The following AMMECR1L variants were observed in gnomAD, a reference collection of about 807,000 sequenced individuals.
The protein encoded by AMMECR1L is AMMECR1 like, also known as AMMECR1-like protein.
Under a neutral mutation model 36.8 loss-of-function variants are expected in AMMECR1L, and 4 were observed. The ratio of observed to expected loss-of-function variants is 0.11; its 90% CI spans 0.05 to 0.25. The LOEUF is 0.25. AMMECR1L is among the 10% of genes least tolerant of loss of function. AMMECR1L has a pLI of 1.00. For missense variants in AMMECR1L, 232 were observed against 392.1 expected, an observed-to-expected ratio of 0.59 and a Z score of 3.45; for synonymous variants, 147 against 148.0, an observed-to-expected ratio of 0.99 and a Z score of 0.05.
At chr2:127,878,693 TAC>T (rs1691357551) in intron 2 of AMMECR1L, among the ~76,000 whole-genome samples, 1 of 152,232 alleles carries the variant, frequency 6.6e-6, no homozygotes, top group Non-Finnish European at 1.5e-5. Flanking sequence ...CAGTTGATTT[TAC>T]ACAGTTGTGT....
At position 127,862,564 on chromosome 2, in the gene AMMECR1L, G is replaced by A. The variant is rs550898269; in HGVS notation, c.*2530C>T. ...CTAGACCGCTTCCTGACTAGGCCCC[G>A]TTCAGGACGGATACTGACAATGCCC... is the stretch of plus-strand genomic sequence containing the variant. On this transcript the variant is annotated 3_prime_UTR_variant, in exon 8 of 8. Transcript: ENST00000272647. The A allele has an allele frequency of 6.6e-4, 101 of 153,694 alleles. No individual in the cohort carries two copies. Among genetic ancestry groups the A allele is most frequent in the Admixed American group, 1.8e-3 (27 of 15,286 alleles). 9.5% of individuals were successfully genotyped at this position (153,694 alleles called of 1,614,324 possible).
At position 127,883,947 on chromosome 2, in the gene AMMECR1L, T is replaced by C. The variant is rs537576033; in HGVS notation, c.-39+256A>G. Among the ~76,000 whole-genome samples the C allele has an allele frequency of 3.9e-5, 6 of 152,230 alleles. 1 individual carries two copies. The South Asian group carries it at 1.2e-3, about 32-fold the overall frequency. ...GGGTGAGGAGCCAGACCTTACAAACTAGAAATATAAAGGAAAGATCATGCC... is the reference window on the plus strand; with the variant it reads ...GGGTGAGGAGCCAGACCTTACAAACCAGAAATATAAAGGAAAGATCATGCC... On this transcript the variant is annotated intron_variant, in intron 2 of 7. Coordinates refer to ENST00000272647, the MANE Select transcript of AMMECR1L (RefSeq NM_001199140.2).
Position 127,867,023 on chromosome 2 carries a change from G to A in AMMECR1L, c.725-27C>T, listed in dbSNP as rs748716047. Reference sequence around the variant, plus strand: ...TGGGGAGGAGAAAGGCCACACTGAGGTCAATGCACATGCAAGAGTAAGGCA... The same window carrying A: ...TGGGGAGGAGAAAGGCCACACTGAGATCAATGCACATGCAAGAGTAAGGCA... On this transcript the variant is annotated intron_variant, in intron 6 of 7. Transcript: ENST00000272647. The A allele has an allele frequency of 6.8e-6, 11 of 1,613,072 alleles. No homozygotes were observed. The East Asian group carries it at 1.8e-4, about 26-fold the overall frequency.
chr2:127,872,567 C>T lies in AMMECR1L; in HGVS notation c.408-1208G>A, dbSNP rs187478732. On this transcript the variant is annotated intron_variant, in intron 3 of 7. Transcript: ENST00000272647. The stretch of plus-strand genomic sequence containing the variant: ...AGTTTTCAAAGTTATCTGCTTTGAT[C>T]ACTGTCACAAAGGTCCCCACAGCAG... 3.9e-5 allele frequency among the ~76,000 whole-genome samples: 6 copies of T among 152,262 alleles called. No homozygotes were observed. The East Asian group carries it at 1.2e-3, about 29-fold the overall frequency.
At position 127,871,137 on chromosome 2, in the gene AMMECR1L, T is replaced by C; in HGVS notation, c.518+112A>G. Reference sequence around the variant, plus strand: ...ACCAGATTAAGCCCCTTACATTTCCTGATTACCAAAAAGAGAAAGCTCAAC... The same window carrying C: ...ACCAGATTAAGCCCCTTACATTTCCCGATTACCAAAAAGAGAAAGCTCAAC... On this transcript the variant is annotated intron_variant, in intron 4 of 7. Coordinates refer to ENST00000272647, the MANE Select transcript of AMMECR1L (RefSeq NM_001199140.2). This position sits in a 1 kb window ranked among gnomAD's most constrained non-coding sequence, Gnocchi z 4.3. 2 of 1,226,116 alleles carry C rather than the reference T, an allele frequency of 1.6e-6. No homozygotes were observed. The highest frequency in any genetic ancestry group is 1.4e-5 in the South Asian group (1 of 72,272). The allele number at this position is 1,226,116 out of a possible 1,614,324, so 76.0% of individuals were successfully genotyped here. A position where few individuals can be genotyped will look rare whatever the true frequency, so the allele number is the denominator to read the frequency against.
At chr2:127,878,588 G>A (rs951783257) in intron 2 of AMMECR1L, among the ~76,000 whole-genome samples, 1 of 152,168 alleles carries the variant, frequency 6.6e-6, no homozygotes, top group African/African-American at 2.4e-5. Context: ...GCAACAGAAG[G>A]GATTTTCAAA....
Position 127,885,858 on chromosome 2 carries a change from T to A in AMMECR1L, c.-197A>T, listed in dbSNP as rs1042545275. 1 of 985,690 alleles carries A rather than the reference T, an allele frequency of 1.0e-6. No individual in the cohort carries two copies. The highest frequency in any genetic ancestry group is 1.2e-6 in the Non-Finnish European group (1 of 829,920). The allele number at this position is 985,690 out of a possible 1,614,324, so 61.1% of individuals were successfully genotyped here. ...CTGGGGCGGACGGGACCTCTCGCGCTCTGCCTCCTCCTCTTGCTTCATGGA... is the reference window on the plus strand; with the variant it reads ...CTGGGGCGGACGGGACCTCTCGCGCACTGCCTCCTCCTCTTGCTTCATGGA... On this transcript the variant is annotated 5_prime_UTR_variant, in exon 1 of 8. Coordinates refer to ENST00000272647, the MANE Select transcript of AMMECR1L (RefSeq NM_001199140.2).
At chr2:127,870,083 A>C (rs1267995432) in intron 5 of AMMECR1L, among the ~76,000 whole-genome samples, 1 of 151,846 alleles carries the variant, frequency 6.6e-6, no homozygotes, top group African/African-American at 2.4e-5. Context: ...TTGGGAGTCC[A>C]AGGCAGGTGG....
intron 1 of AMMECR1L, chr2:127,884,916 T>A (rs1475550855): frequency 1.3e-5 from 2 of 152,644 alleles, no homozygotes; most frequent in African/African-American, 4.8e-5. Context: ...AACAGGAGAC[T>A]GTTTACATCT....
In AMMECR1L at chr2:127,871,490, C is replaced by T. The variant is rs540589020; in HGVS notation, c.408-131G>A. 7.0e-6 allele frequency: 6 copies of T among 854,738 alleles called. No homozygotes were observed. The highest frequency in any genetic ancestry group is 4.9e-5 in the South Asian group (3 of 61,152). The allele number at this position is 854,738 out of a possible 1,614,324, so 52.9% of individuals were successfully genotyped here. ...CCTGTTTTTGGACTTGCCAGCTACC[C>T]GAAGGACTCTCTGCCTTTCTGAAAA... On this transcript the variant is annotated intron_variant, in intron 3 of 7. Transcript: ENST00000272647. This position sits in a 1 kb window ranked among gnomAD's most constrained non-coding sequence, Gnocchi z 4.3.
intron 1 of AMMECR1L, chr2:127,885,379 C>A: frequency 2.1e-6 from 2 of 962,724 alleles, no homozygotes; most frequent in Non-Finnish European, 2.4e-6. Context: ...TGGGCCGAGC[C>A]GCGGGGGTGG....
chr2:127,871,212 C>T lies in AMMECR1L; in HGVS notation c.518+37G>A. On this transcript the variant is annotated intron_variant, in intron 4 of 7. Coordinates refer to ENST00000272647, the MANE Select transcript of AMMECR1L (RefSeq NM_001199140.2). The surrounding 1 kb of genome is among the most constrained non-coding windows in gnomAD (Gnocchi z 4.3). ...TCAGGCAGCTATTTCTGATTCTAGC[C>T]AATTTATCTACAGTTCTTAATGTCT... is the stretch of plus-strand genomic sequence containing the variant. 1 of 1,597,348 alleles carries T rather than the reference C, an allele frequency of 6.3e-7. No individual in the cohort carries two copies. The highest frequency in any genetic ancestry group is 8.6e-7 in the Non-Finnish European group (1 of 1,165,910).
At chr2:127,876,175 C>T (rs1691234253) in intron 2 of AMMECR1L, among the ~76,000 whole-genome samples, 1 of 151,516 alleles carries the variant, frequency 6.6e-6, no homozygotes, top group Non-Finnish European at 1.5e-5. Flanking sequence ...ACAGGGAGAC[C>T]CAGTCTCTAC....
chr2:127,885,533 C>G (rs975952334), intron 1 of AMMECR1L: 1 of 984,194 alleles, frequency 1.0e-6, no homozygotes, highest in Non-Finnish European at 1.2e-6. Flanking sequence ...GGAGCGGGAG[C>G]CGAGCCTCGC....
rs1691071264 is a variant in AMMECR1L at position 127,873,211 on chromosome 2, T to C, written c.407+617A>G. The C allele has an allele frequency of 3.0e-6, 3 of 985,496 alleles. No individual in the cohort carries two copies. Among genetic ancestry groups the C allele is most frequent in the Non-Finnish European group, 3.6e-6 (3 of 829,944 alleles). 61.0% of individuals were successfully genotyped at this position (985,496 alleles called of 1,614,324 possible). A position where few individuals can be genotyped will look rare whatever the true frequency, so the allele number is the denominator to read the frequency against. On this transcript the variant is annotated intron_variant, in intron 3 of 7. Coordinates refer to ENST00000272647, the MANE Select transcript of AMMECR1L (RefSeq NM_001199140.2). The surrounding 1 kb of genome is among the most constrained non-coding windows in gnomAD (Gnocchi z 5.2). The stretch of plus-strand genomic sequence containing the variant: ...TCTGAGGAAGAAGAAAATGCTAGCA[T>C]GGAATTCTTCAGTTTACTTTATACA...
rs76141505 is a variant in AMMECR1L at position 127,861,634 on chromosome 2, T to G, written c.*3460A>C. 6.6e-6 allele frequency: 1 copy of G among 152,212 alleles called. No homozygotes were observed. Among genetic ancestry groups the G allele is most frequent in the African/African-American group, 2.4e-5 (1 of 41,454 alleles). 9.4% of individuals were successfully genotyped at this position (152,212 alleles called of 1,614,324 possible). ...AGAAAAAGCAGAACAAAACGATTTT[T>G]ATCCATTATGATTTATTCTCTACAA... On this transcript the variant is annotated 3_prime_UTR_variant, in exon 8 of 8. Transcript: ENST00000272647.
chr2:127,874,349 T>C lies in AMMECR1L; in HGVS notation c.-38-77A>G, dbSNP rs758733688. 2.2e-5 allele frequency: 30 copies of C among 1,365,564 alleles called. No individual in the cohort carries two copies. The highest frequency in any genetic ancestry group is 2.9e-5 in the Non-Finnish European group (29 of 1,012,230). 84.6% of individuals were successfully genotyped at this position (1,365,564 alleles called of 1,614,324 possible). A position where few individuals can be genotyped will look rare whatever the true frequency, so the allele number is the denominator to read the frequency against. Reference sequence around the variant, plus strand: ...AGGAAAAAACATCAAAGATAGAGAGTCTGCATTGACCAGCTAAGAGCTGTC... The same window carrying C: ...AGGAAAAAACATCAAAGATAGAGAGCCTGCATTGACCAGCTAAGAGCTGTC... On this transcript the variant is annotated intron_variant, in intron 2 of 7. Transcript: ENST00000272647. The surrounding 1 kb of genome is among the most constrained non-coding windows in gnomAD (Gnocchi z 5.2).
chr2:127,880,630 C>G (rs926237784), intron 2 of AMMECR1L, among the ~76,000 whole-genome samples: 4 of 152,142 alleles, frequency 2.6e-5, no homozygotes, highest in Non-Finnish European at 5.9e-5. Context: ...TGTGGGGACG[C>G]TGAGCACTGC....
Position 127,866,938 on chromosome 2 carries a change from T to C in AMMECR1L, c.783A>G (p.Pro261=). 1.2e-6 allele frequency: 2 copies of C among 1,614,250 alleles called. No homozygotes were observed. Among genetic ancestry groups the C allele is most frequent in the Non-Finnish European group, 1.7e-6 (2 of 1,180,044 alleles). ...TCGTTTTTCTGAATTCACTGGTAAT[T>C]GGAGCTTTAAAGCCACCTTTCCTGA... ...SLLRKGGFKA[P]ITSEFRKTIK... The change falls in exon 7 of 8, where the codon CCA becomes CCG. Residue 261 remains proline, a synonymous_variant. Transcript: ENST00000272647.
Sources: gnomAD v4.1 joint callset for allele counts (sites outside exome capture counted in the v4.1 genomes callset) on GRCh38, gnomAD v4.1.1 for gene constraint, Gnocchi (gnomAD v3.1) non-coding constraint, MANE v1.5 for transcripts, NCBI Gene and HGNC (gene_info 2026-07-23, HGNC 2026-07-21) for gene names.